The following TOR1AIP2 variants were observed in gnomAD, a reference collection of about 807,000 sequenced individuals.
TOR1AIP2 encodes the protein torsin-1A-interacting protein 2.
In TOR1AIP2, 20 loss-of-function variants were observed where a neutral mutation model predicts 32.6. The observed-to-expected ratio is 0.61, with a 90% CI of 0.43 to 0.89. The LOEUF is 0.89. Among genes scored for constraint, TOR1AIP2 ranks in the 40% least tolerant of loss-of-function variants. The pLI is 0.00. For synonymous variants in TOR1AIP2, 214 were observed against 210.8 expected (o/e 1.02, Z -0.13); for missense variants, 456 against 553.8 (o/e 0.82, Z 1.77).
intron 3 of TOR1AIP2, chr1:179,864,093 C>T: frequency 1.0e-6 from 1 of 985,344 alleles, no homozygotes; most frequent in Non-Finnish European, 1.2e-6. Flanking sequence ...TATGTAAAGC[C>T]ACGTAAGTAT....
chr1:179,869,136 C>T (rs893815289), intron 2 of TOR1AIP2: 1 of 152,252 alleles, frequency 6.6e-6, no homozygotes, highest in African/African-American at 2.4e-5. Context: ...GCCACCACCC[C>T]AGCCCAACTG....
intron 3 of TOR1AIP2, chr1:179,860,202 G>A (rs534129701): frequency 3.9e-5 from 38 of 985,272 alleles, no homozygotes; most frequent in African/African-American, 3.7e-4. Context: ...ACTAAGACTC[G>A]GTGGACACGG....
intron 3 of TOR1AIP2, chr1:179,861,250 AC>A (rs1293857217): frequency 3.0e-6 from 3 of 985,156 alleles, no homozygotes; most frequent in Non-Finnish European, 3.6e-6. Flanking sequence ...AATTAATTTT[AC>A]CAACACAGCA....
intron 3 of TOR1AIP2, chr1:179,860,869 T>C (rs1696501249): frequency 1.0e-6 from 1 of 985,328 alleles, no homozygotes. Context: ...CATCTCACTT[T>C]TACAGACAGC....
chr1:179,873,937 A>G (rs1303621532), intron 2 of TOR1AIP2: 3 of 152,216 alleles, frequency 2.0e-5, no homozygotes, highest in Admixed American at 6.5e-5. Flanking sequence ...TTCAAGCACC[A>G]TAAGATTTTT....
At chr1:179,850,755 G>A in intron 5 of TOR1AIP2, 90 bp downstream of exon 5, 1 of 1,483,778 alleles carries the variant, frequency 6.7e-7, no homozygotes, top group Non-Finnish European at 9.0e-7. Flanking sequence ...GATGACAAAA[G>A]TTCTCTGGAA....
Position 179,842,003 on chromosome 1 carries a change from C to T in TOR1AIP2, c.*4068G>A, listed in dbSNP as rs7545581. The T allele has an allele frequency of 0.13, 19,199 of 152,264 alleles. 1,260 individuals are homozygous for T. Among genetic ancestry groups the T allele is most frequent in the Middle Eastern group, 0.19 (57 of 294 alleles). 9.4% of individuals were successfully genotyped at this position (152,264 alleles called of 1,614,324 possible). Reference sequence around the variant, plus strand: ...ATCACTTGAGGTGAGGAGTTCGAGACCAGCCTGGTCAACGTGGGGAAACCC... The same window carrying T: ...ATCACTTGAGGTGAGGAGTTCGAGATCAGCCTGGTCAACGTGGGGAAACCC... On this transcript the variant is annotated 3_prime_UTR_variant, in exon 7 of 7. Transcript: ENST00000609928.
chr1:179,859,816 G>A, intron 3 of TOR1AIP2: 5 of 985,402 alleles, frequency 5.1e-6, no homozygotes, highest in Non-Finnish European at 4.8e-6. Context: ...CATCAGGAGA[G>A]ATTTAAGAAG....
intron 2 of TOR1AIP2, chr1:179,875,734 C>T (rs1647262688): frequency 6.6e-6 from 1 of 151,976 alleles, no homozygotes; most frequent in Non-Finnish European, 1.5e-5. Flanking sequence ...AAATCATGTG[C>T]CAGCTCCTTT....
At chr1:179,847,127 A>G (rs1695938167) in intron 6 of TOR1AIP2, among the ~76,000 whole-genome samples, 1 of 152,248 alleles carries the variant, frequency 6.6e-6, no homozygotes, top group South Asian at 2.1e-4. Context: ...ATTTGTTATT[A>G]TAACTAATGA....
intron 5 of TOR1AIP2, among the ~76,000 whole-genome samples, chr1:179,849,028 C>T (rs977446909): frequency 1.1e-4 from 17 of 151,710 alleles, no homozygotes; most frequent in Admixed American, 5.2e-4. Flanking sequence ...CCCAGCTACT[C>T]GGGAGGCTGA....
intron 5 of TOR1AIP2, among the ~76,000 whole-genome samples, chr1:179,848,906 G>A (rs568252572): frequency 8.5e-5 from 13 of 152,206 alleles, no homozygotes; most frequent in Middle Eastern, 3.4e-3. Context: ...CGAGGCGGGC[G>A]GATCACAAGG....
rs150014615 is a variant in TOR1AIP2, at chr1:179,863,797, T to C, written c.-147+1639A>G. The C allele has an allele frequency of 1.1e-4, 109 of 985,118 alleles. 4 individuals are homozygous for C. The East Asian group carries it at 8.2e-3, about 74-fold the overall frequency. 61.0% of individuals were successfully genotyped at this position (985,118 alleles called of 1,614,324 possible). A position where few individuals can be genotyped will look rare whatever the true frequency, so the allele number is the denominator to read the frequency against. On this transcript the variant is annotated intron_variant, in intron 3 of 6. Coordinates refer to ENST00000609928, the MANE Select transcript of TOR1AIP2 (RefSeq NM_001199260.2). ...ATACCTAGATACCTGGCATGTTAAG[T>C]GTAATTTAAAAATTGTTCAGTGGCC...
chr1:179,860,777 A>C (rs927965599), intron 3 of TOR1AIP2: 21 of 985,470 alleles, frequency 2.1e-5, no homozygotes, highest in Middle Eastern at 5.2e-4. Context: ...CTCTATAAAA[A>C]GCAATTTTCA....
At position 179,846,485 on chromosome 1, in the gene TOR1AIP2, A is replaced by G; in HGVS notation, c.999T>C (p.Ala333=). 1.2e-5 allele frequency: 20 copies of G among 1,614,182 alleles called. No individual in the cohort carries two copies. Among genetic ancestry groups the G allele is most frequent in the Non-Finnish European group, 1.6e-5 (19 of 1,180,028 alleles). The part of the protein sequence containing the change: ...QKVSPIQIDG[A]GRTWQDSDTV... ...TGTCACTGTCCTGCCAGGTCCTTCC[A>G]GCCCCATCAATCTGAATGGGAGAGA... Residue 333 remains alanine (A), a synonymous_variant, in exon 7 of 7, where the codon GCT becomes GCC. Coordinates refer to ENST00000609928, the MANE Select transcript of TOR1AIP2 (RefSeq NM_001199260.2).
At chr1:179,875,714 A>C (rs1245865266) in intron 2 of TOR1AIP2, 6 of 133,950 alleles carry the variant, frequency 4.5e-5, no homozygotes, top group Non-Finnish European at 7.8e-5. Context: ...CCATGGCACC[A>C]AAAAAAAAAA....
intron 3 of TOR1AIP2, chr1:179,862,046 C>T: frequency 1.0e-6 from 1 of 985,294 alleles, no homozygotes; most frequent in Non-Finnish European, 1.2e-6. Flanking sequence ...TACAAGCAAC[C>T]TGAGGAATCA....
chr1:179,859,403 TCTAGCTGTGGGAC>T, intron 3 of TOR1AIP2: 1 of 985,318 alleles, frequency 1.0e-6, no homozygotes, highest in Non-Finnish European at 1.2e-6. Context: ...ACTCAGGTAG[TCTAGCTGTGGGAC>T]CTAACCATGA....
intron 5 of TOR1AIP2, among the ~76,000 whole-genome samples, chr1:179,850,184 G>C (rs1022982621): frequency 6.6e-6 from 1 of 151,726 alleles, no homozygotes; most frequent in Admixed American, 6.5e-5. Context: ...GAAGCACCAG[G>C]AAGGGAAGAT....
Sources: gnomAD v4.1 joint callset for allele counts (sites outside exome capture counted in the v4.1 genomes callset) on GRCh38, gnomAD v4.1.1 for gene constraint, MANE v1.5 for transcripts, NCBI Gene and HGNC (gene_info 2026-07-23, HGNC 2026-07-21) for gene names.